CLDN10: variants seen among roughly 807,000 people sequenced by gnomAD.
CLDN10 encodes claudin 10.
CLDN10 carries 15 observed loss-of-function variants against 22.9 expected under a neutral mutation model. The observed-to-expected ratio is 0.65, with a 90% CI of 0.44 to 1.01. CLDN10 has a LOEUF of 1.01. Ranked by LOEUF, CLDN10 falls within the 50% of genes least tolerant of loss-of-function variation. The pLI, the probability that CLDN10 is intolerant of heterozygous loss-of-function variation, is 0.00. For synonymous variants in CLDN10, 114 were observed against 111.4 expected (o/e 1.02, Z -0.15); for missense variants, 247 against 287.8 (o/e 0.86, Z 1.03).
intron 1 of CLDN10, among the ~76,000 whole-genome samples, chr13:95,471,941 A>ATTTTT (rs58891166): frequency 3.1e-5 from 3 of 95,816 alleles, no homozygotes; most frequent in African/African-American, 1.2e-4. Flanking sequence ...ACACTCAGCT[A>ATTTTT]TTTTTTTTTT....
At chr13:95,502,804 A>G (rs1188694995) in intron 1 of CLDN10, among the ~76,000 whole-genome samples, 1 of 152,214 alleles carries the variant, frequency 6.6e-6, no homozygotes, top group East Asian at 1.9e-4. Context: ...TACAGGCATG[A>G]GCCACTTTGC....
chr13:95,526,860 G>A (rs550493063), intron 1 of CLDN10, among the ~76,000 whole-genome samples: 1 of 152,232 alleles, frequency 6.6e-6, no homozygotes, highest in East Asian at 1.9e-4. Flanking sequence ...TTAGCATTTA[G>A]TGTAAAATTT....
Position 95,559,621 on chromosome 13 carries a change from T to G in CLDN10, c.221-511T>G, listed in dbSNP as rs149889782. Among the ~76,000 whole-genome samples, 1,345 of 152,334 alleles carry G rather than the reference T, an allele frequency of 8.8e-3. 23 individuals carry two copies. The highest frequency in any genetic ancestry group is 0.031 in the African/African-American group (1,282 of 41,564). On this transcript the variant is annotated intron_variant, in intron 1 of 4. Transcript: ENST00000299339. ...ATATTGGAAGGTTTGACCCTTTGGA[T>G]CTCTTTCTGCCACCCAGTTATAAAT...
intron 1 of CLDN10, among the ~76,000 whole-genome samples, chr13:95,526,323 G>C (rs2043280489): frequency 6.6e-6 from 1 of 152,134 alleles, no homozygotes; most frequent in Admixed American, 6.5e-5. Flanking sequence ...CTGTCTGCCA[G>C]TCAGTTCTTC....
At chr13:95,533,000 GA>G (rs1297925197) in intron 1 of CLDN10, among the ~76,000 whole-genome samples, 1 of 151,992 alleles carries the variant, frequency 6.6e-6, no homozygotes, top group Non-Finnish European at 1.5e-5. Flanking sequence ...GAAGGAGTAT[GA>G]GAGAACTTTC....
rs201906262 is a variant in CLDN10, at chr13:95,561,367, T to C, written c.464+904T>C. 4.6e-5 allele frequency among the ~76,000 whole-genome samples: 7 copies of C among 152,338 alleles called. No homozygotes were observed. The East Asian group carries it at 1.3e-3, about 29-fold the overall frequency. On this transcript the variant is annotated intron_variant, in intron 3 of 4. Transcript: ENST00000299339. ...GTTTTAGGAATCTTCAGGAAATTGA[T>C]TTTCTAGTTCTGGCTTAAGTGTACC...
chr13:95,450,423 T>A (rs2042422154), intron 1 of CLDN10, among the ~76,000 whole-genome samples: 1 of 152,194 alleles, frequency 6.6e-6, no homozygotes, highest in Non-Finnish European at 1.5e-5. Context: ...CCCTTCCCTC[T>A]TTTTCTCGTG....
At chr13:95,555,123 C>T (rs570067105) in intron 1 of CLDN10, among the ~76,000 whole-genome samples, 2 of 148,890 alleles carry the variant, frequency 1.3e-5, no homozygotes, top group African/African-American at 2.5e-5. Flanking sequence ...CAATCTCAGC[C>T]GACTGCAACC....
intron 1 of CLDN10, among the ~76,000 whole-genome samples, chr13:95,513,743 T>C (rs891172484): frequency 2.1e-5 from 3 of 143,028 alleles, no homozygotes; most frequent in Admixed American, 6.8e-5. Context: ...AGGGTTGAGA[T>C]AGACCTTTTC....
chr13:95,459,326 C>A (rs1247672986), intron 1 of CLDN10, among the ~76,000 whole-genome samples: 4 of 152,192 alleles, frequency 2.6e-5, no homozygotes, highest in Admixed American at 1.3e-4. Flanking sequence ...TGTGTGGGGG[C>A]TCTGACCCCA....
At chr13:95,560,537 G>A (rs1003078169) in intron 3 of CLDN10, 74 bp downstream of exon 3, 205 of 1,194,506 alleles carry the variant, frequency 1.7e-4, no homozygotes, top group Non-Finnish European at 4.9e-6. Context: ...CAAGAGACAT[G>A]AATTTCCTAT....
chr13:95,498,178 G>C (rs561019014), intron 1 of CLDN10, among the ~76,000 whole-genome samples: 42 of 152,278 alleles, frequency 2.8e-4, no homozygotes, highest in Admixed American at 1.6e-3. Context: ...GGAGCTGCCA[G>C]GCAGCCCTCA....
intron 1 of CLDN10, among the ~76,000 whole-genome samples, chr13:95,435,266 T>C (rs1232021116): frequency 6.6e-6 from 1 of 152,246 alleles, no homozygotes; most frequent in East Asian, 1.9e-4. Context: ...AAAATTGCTC[T>C]TTGTTTCTTG....
chr13:95,504,257 A>G (rs2043014866), intron 1 of CLDN10, among the ~76,000 whole-genome samples: 1 of 152,238 alleles, frequency 6.6e-6, no homozygotes, highest in African/African-American at 2.4e-5. Flanking sequence ...GAAAACAGGA[A>G]TATTCTCTTC....
chr13:95,528,271 T>C (rs2043306003), intron 1 of CLDN10, among the ~76,000 whole-genome samples: 2 of 138,412 alleles, frequency 1.4e-5, no homozygotes, highest in Admixed American at 1.4e-4. Context: ...TCTCATGAGA[T>C]TTGATGGTTT....
intron 1 of CLDN10, among the ~76,000 whole-genome samples, chr13:95,448,245 T>C (rs565866824): frequency 6.6e-5 from 10 of 151,954 alleles, no homozygotes; most frequent in African/African-American, 2.4e-4. Context: ...AGTCAGCACA[T>C]ACACATCACA....
At chr13:95,489,355 C>A (rs2042844360) in intron 1 of CLDN10, among the ~76,000 whole-genome samples, 1 of 152,092 alleles carries the variant, frequency 6.6e-6, no homozygotes. Flanking sequence ...CAGAAGGGTT[C>A]CCTGTTCACT....
chr13:95,441,492 C>T (rs1244638627), intron 1 of CLDN10, among the ~76,000 whole-genome samples: 2 of 152,182 alleles, frequency 1.3e-5, no homozygotes, highest in Non-Finnish European at 2.9e-5. Context: ...AATCCTGTCT[C>T]AGCCTCCCAA....
chr13:95,578,842 T>C lies in CLDN10; in HGVS notation c.*828T>C, dbSNP rs1396535101. 2.0e-5 allele frequency: 3 copies of C among 152,212 alleles called. No homozygotes were observed. Among genetic ancestry groups the C allele is most frequent in the Non-Finnish European group, 4.4e-5 (3 of 68,026 alleles). The allele number at this position is 152,212 out of a possible 1,614,324, so 9.4% of individuals were successfully genotyped here. ...TTACATGTGCCTGTCATGACTGTAATTCATTATGACTGCTCCAGGAAGGGC... is the reference window on the plus strand; with the variant it reads ...TTACATGTGCCTGTCATGACTGTAACTCATTATGACTGCTCCAGGAAGGGC... On this transcript the variant is annotated 3_prime_UTR_variant, in exon 5 of 5. Coordinates refer to ENST00000299339, the MANE Select transcript of CLDN10 (RefSeq NM_006984.5).
Sources: allele counts gnomAD v4.1 joint callset (sites outside exome capture counted in the v4.1 genomes callset), GRCh38; gene constraint gnomAD v4.1.1; transcripts MANE v1.5; gene names NCBI Gene and HGNC (gene_info 2026-07-23, HGNC 2026-07-21).